Variants in VGLL2 observed in about 807,000 individuals in gnomAD.
The protein encoded by VGLL2 is vestigial like family member 2, also known as transcription cofactor vestigial-like protein 2.
VGLL2 carries 18 observed loss-of-function variants against 27.0 expected under a neutral mutation model. The observed-to-expected ratio is 0.67, with a 90% confidence interval of 0.46 to 0.99. VGLL2 has a LOEUF of 0.99. VGLL2 is among the 50% of genes least tolerant of loss of function. VGLL2 has a pLI of 0.00. For synonymous variants in VGLL2, 220 were observed against 201.1 expected (o/e 1.09, Z -0.80); for missense variants, 491 against 452.3 (o/e 1.09, Z -0.78).
chr6:117,270,744 A>C lies in VGLL2; in HGVS notation c.593A>C (p.His198Pro). ...GCCACGGAGCCCTGGCACCACGCGCACCCGCACCACGCGCACCCGCATCAC... is the reference window on the plus strand; with the variant it reads ...GCCACGGAGCCCTGGCACCACGCGCCCCCGCACCACGCGCACCCGCATCAC... ...QGATEPWHHA[H>P]PHHAHPHHPY... Residue 198 changes from histidine (H) to proline (P), a missense_variant, in exon 3 of 4, where the codon CAC becomes CCC. Transcript: ENST00000326274. The C allele has an allele frequency of 6.6e-7, 1 of 1,511,302 alleles. No homozygotes were observed. Among genetic ancestry groups the C allele is most frequent in the Non-Finnish European group, 8.8e-7 (1 of 1,139,862 alleles). The allele number at this position is 1,511,302 out of a possible 1,614,324, so 93.6% of individuals were successfully genotyped here. A position where few individuals can be genotyped will look rare whatever the true frequency, so the allele number is the denominator to read the frequency against.
chr6:117,270,829 C>G lies in VGLL2; in HGVS notation c.678C>G (p.Ala226=), dbSNP rs1009870107. ...CCGCCCCCTACCCGCGCCCCGCCGCCGTGCACGAAGTCTACGCGCCGCACT... is the reference window on the plus strand; with the variant it reads ...CCGCCCCCTACCCGCGCCCCGCCGCGGTGCACGAAGTCTACGCGCCGCACT... ...AQAAPYPRPA[A]VHEVYAPHFD... Residue 226 remains alanine, a synonymous_variant, in exon 3 of 4, where the codon GCC becomes GCG. Transcript: ENST00000326274. 9.1e-6 allele frequency: 13 copies of G among 1,430,828 alleles called. No homozygotes were observed. The highest frequency in any genetic ancestry group is 2.7e-5 in the South Asian group (2 of 73,836). 88.6% of individuals were successfully genotyped at this position (1,430,828 alleles called of 1,614,324 possible).
At position 117,273,334 on chromosome 6, in the gene VGLL2, T is replaced by A. The variant is rs1299193880; in HGVS notation, c.*840T>A. 1 of 152,188 alleles carries A rather than the reference T, an allele frequency of 6.6e-6. No homozygotes were observed. Among genetic ancestry groups the A allele is most frequent in the Non-Finnish European group, 1.5e-5 (1 of 68,042 alleles). The allele number at this position is 152,188 out of a possible 1,614,324, so 9.4% of individuals were successfully genotyped here. ...CCACGAATTCTGTCCCTGTATCCTCTGGATGTAAAAAGCAAGGAGAGACCC... is the reference window on the plus strand; with the variant it reads ...CCACGAATTCTGTCCCTGTATCCTCAGGATGTAAAAAGCAAGGAGAGACCC... On this transcript the variant is annotated 3_prime_UTR_variant, in exon 4 of 4. Coordinates refer to ENST00000326274, the MANE Select transcript of VGLL2 (RefSeq NM_182645.3).
In VGLL2 at chr6:117,265,572, G is replaced by T. The variant is rs1300190999; in HGVS notation, c.-192G>T. 1.2e-5 allele frequency: 7 copies of T among 596,198 alleles called. No individual in the cohort carries two copies. The highest frequency in any genetic ancestry group is 2.1e-5 in the Non-Finnish European group (7 of 330,782). 36.9% of individuals were successfully genotyped at this position (596,198 alleles called of 1,614,324 possible). ...GGAGCTCAGGCGCTTCTGCCCTGGA[G>T]CGCGGTCGGGAGTAAAATCGCAGGA... On this transcript the variant is annotated 5_prime_UTR_variant, in exon 1 of 4. Coordinates refer to ENST00000326274, the MANE Select transcript of VGLL2 (RefSeq NM_182645.3).
intron 1 of VGLL2, 149 bp downstream of exon 1, chr6:117,265,993 G>C: frequency 1.4e-6 from 1 of 709,762 alleles, no homozygotes; most frequent in Non-Finnish European, 2.4e-6. Flanking sequence ...TGCCGGAGCC[G>C]CCCCCAGTTG....
At chr6:117,266,086 C>A (rs1474454879) in intron 1 of VGLL2, among the ~76,000 whole-genome samples, 3 of 152,226 alleles carry the variant, frequency 2.0e-5, no homozygotes, top group African/African-American at 7.2e-5. Flanking sequence ...CCTAGGTCTT[C>A]CCTGGAATAA....
intron 1 of VGLL2, 151 bp from the exon 2 acceptor site, chr6:117,268,031 T>A: frequency 1.2e-6 from 1 of 830,234 alleles, no homozygotes; most frequent in Non-Finnish European, 1.9e-6. Context: ...GTTGCCCCGC[T>A]ATTGCTAGTT....
At chr6:117,269,307 A>C (rs1773131948) in intron 2 of VGLL2, among the ~76,000 whole-genome samples, 1 of 152,106 alleles carries the variant, frequency 6.6e-6, no homozygotes, top group African/African-American at 2.4e-5. Flanking sequence ...AAGGTGGGGG[A>C]ACCATTAAGT....
rs1238476506 is a variant in VGLL2 at position 117,270,775 on chromosome 6, C to T, written c.624C>T (p.Tyr208=). The stretch of plus-strand genomic sequence containing the variant: ...ACCACGCGCACCCGCATCACCCCTA[C>T]GCCCTGGGCGGCGCCCTCGGCGCCC... ...HPHHAHPHHP[Y]ALGGALGAQA... Residue 208 remains tyrosine, a synonymous_variant, in exon 3 of 4, where the codon TAC becomes TAT. Coordinates refer to ENST00000326274, the MANE Select transcript of VGLL2 (RefSeq NM_182645.3). 13 of 1,461,040 alleles carry T rather than the reference C, an allele frequency of 8.9e-6. No individual in the cohort carries two copies. The highest frequency in any genetic ancestry group is 2.5e-5 in the Admixed American group (1 of 40,058). 90.5% of individuals were successfully genotyped at this position (1,461,040 alleles called of 1,614,324 possible).
chr6:117,266,729 G>C (rs1315009161), intron 1 of VGLL2, among the ~76,000 whole-genome samples: 3 of 152,194 alleles, frequency 2.0e-5, no homozygotes, highest in Non-Finnish European at 4.4e-5. Context: ...GGAGGCTGTA[G>C]GGGTCCCCTC....
rs1441361497 is a variant in VGLL2, at chr6:117,265,715, G to A, written c.-49G>A. ...CCATGCAGCACCCCTGAGCTCCGGGGAAGGAGAGTTAATGAAAAAACACTT... is the reference window on the plus strand; with the variant it reads ...CCATGCAGCACCCCTGAGCTCCGGGAAAGGAGAGTTAATGAAAAAACACTT... On this transcript the variant is annotated 5_prime_UTR_variant, in exon 1 of 4. Transcript: ENST00000326274. 3.2e-6 allele frequency: 5 copies of A among 1,544,344 alleles called. No homozygotes were observed. Among genetic ancestry groups the A allele is most frequent in the Non-Finnish European group, 2.7e-6 (3 of 1,117,624 alleles).
At chr6:117,266,802 C>T (rs1383396923) in intron 1 of VGLL2, among the ~76,000 whole-genome samples, 2 of 152,152 alleles carry the variant, frequency 1.3e-5, no homozygotes, top group Non-Finnish European at 2.9e-5. Context: ...CCCAATGCCC[C>T]AGTGGATGCT....
rs3832399 is a variant in VGLL2 at position 117,272,907 on chromosome 6, T to TG, written c.*414dup. ...TCAGATTTTAAATTGTATGTGTACT[T>TG]GCATCTAAGACTGTGGTAGAGAAGT... On this transcript the variant is annotated 3_prime_UTR_variant, in exon 4 of 4. Coordinates refer to ENST00000326274, the MANE Select transcript of VGLL2 (RefSeq NM_182645.3). The TG allele has an allele frequency of 6.5e-4, 134 of 206,856 alleles. 1 individual carries two copies. The East Asian group carries it at 0.019, about 29-fold the overall frequency. 12.8% of individuals were successfully genotyped at this position (206,856 alleles called of 1,614,324 possible). A position where few individuals can be genotyped will look rare whatever the true frequency, so the allele number is the denominator to read the frequency against.
intron 1 of VGLL2, among the ~76,000 whole-genome samples, chr6:117,267,700 GC>G (rs560693576): frequency 3.3e-5 from 5 of 152,298 alleles, no homozygotes; most frequent in African/African-American, 1.2e-4. Context: ...GTAGGGGGTT[GC>G]CCCCCGCTCC....
Position 117,269,182 on chromosome 6 carries a change from C to T in VGLL2, c.391+691C>T, listed in dbSNP as rs574503814. ...AACACATCCCCTTTTTATTTTTCTA[C>T]CTTCCCCCACAAAGCACTGCTTTTT... On this transcript the variant is annotated intron_variant, in intron 2 of 3. Coordinates refer to ENST00000326274, the MANE Select transcript of VGLL2 (RefSeq NM_182645.3). 3.0e-4 allele frequency among the ~76,000 whole-genome samples: 45 copies of T among 152,250 alleles called. No individual in the cohort carries two copies. In the South Asian group the frequency reaches 8.9e-3, roughly 30 times the overall value.
chr6:117,267,066 G>A (rs1562230290), intron 1 of VGLL2, among the ~76,000 whole-genome samples: 1 of 152,040 alleles, frequency 6.6e-6, no homozygotes, highest in Non-Finnish European at 1.5e-5. Context: ...CAAACCTTTT[G>A]GCTCCAGCTT....
intron 2 of VGLL2, among the ~76,000 whole-genome samples, 169 bp from the exon 3 acceptor site, chr6:117,270,374 C>T (rs1773158305): frequency 6.6e-6 from 1 of 152,100 alleles, no homozygotes; most frequent in African/African-American, 2.4e-5. Context: ...AGAAAAACGC[C>T]GCTGCAGAGG....
In VGLL2 at chr6:117,270,468, T is replaced by G. The variant is rs413660; in HGVS notation, c.392-75T>G. The stretch of plus-strand genomic sequence containing the variant: ...TCGTCTCTCGGGCGGGACGTGCAGG[T>G]CGGCGCTGAGTCCAGCCGCAGTGAC... On this transcript the variant is annotated intron_variant, in intron 2 of 3. Transcript: ENST00000326274. 2.7e-3 allele frequency: 4,029 copies of G among 1,466,386 alleles called. 81 individuals carry two copies. The African/African-American group carries it at 0.048, about 18-fold the overall frequency. 90.8% of individuals were successfully genotyped at this position (1,466,386 alleles called of 1,614,324 possible).
Position 117,272,742 on chromosome 6 carries a change from G to A in VGLL2, c.*248G>A. The A allele has an allele frequency of 1.8e-6, 1 of 549,828 alleles. No homozygotes were observed. 34.1% of individuals were successfully genotyped at this position (549,828 alleles called of 1,614,324 possible). ...TGGCCGAATCACTGGAAATATCTGT[G>A]GTGAGATTGCTGAGTCAGGTGATGT... is the stretch of plus-strand genomic sequence containing the variant. On this transcript the variant is annotated 3_prime_UTR_variant, in exon 4 of 4. Transcript: ENST00000326274.
chr6:117,268,081 T>TC, intron 1 of VGLL2, 101 bp from the exon 2 acceptor site: 4 of 1,247,612 alleles, frequency 3.2e-6, no homozygotes, highest in Non-Finnish European at 4.5e-6. Context: ...TATGCCAGTT[T>TC]CCCCATAAAT....
Sources: allele counts gnomAD v4.1 joint callset (sites outside exome capture counted in the v4.1 genomes callset), GRCh38; gene constraint gnomAD v4.1.1; transcripts MANE v1.5; gene names NCBI Gene and HGNC (gene_info 2026-07-23, HGNC 2026-07-21).